MSI2: variants seen among roughly 807,000 people sequenced by gnomAD.
MSI2 encodes RNA-binding protein Musashi homolog 2.
In MSI2, 17 loss-of-function variants were observed where a neutral mutation model predicts 45.6. That is an observed-to-expected ratio of 0.37 (90% CI 0.26 to 0.56). The LOEUF (loss-of-function observed/expected upper bound fraction) is 0.56, where lower values mean the gene tolerates loss of function less well. Among genes scored for constraint, MSI2 ranks in the 20% least tolerant of loss-of-function variants. The pLI, the probability that MSI2 is intolerant of heterozygous loss-of-function variation, is 0.77. For missense variants in MSI2, 293 were observed against 444.2 expected (o/e 0.66, Z 3.06); for synonymous variants, 156 against 158.2 (o/e 0.99, Z 0.11).
intron 5 of MSI2, among the ~76,000 whole-genome samples, chr17:57,275,741 G>C (rs1908784299): frequency 6.6e-6 from 1 of 152,168 alleles, no homozygotes; most frequent in Non-Finnish European, 1.5e-5. Context: ...GGACGGAAAG[G>C]GAAGGAGAGA....
intron 5 of MSI2, among the ~76,000 whole-genome samples, chr17:57,394,001 C>T (rs549473747): frequency 6.6e-6 from 1 of 152,284 alleles, no homozygotes; most frequent in Admixed American, 6.5e-5. Flanking sequence ...TATGTTTAAT[C>T]ATTTGTGGAG....
chr17:57,332,925 T>C (rs988003372), intron 5 of MSI2, among the ~76,000 whole-genome samples: 2 of 151,964 alleles, frequency 1.3e-5, no homozygotes, highest in South Asian at 2.1e-4. Context: ...CTCGGGAGGC[T>C]GAGGCAGGAG....
At chr17:57,342,963 C>A (rs1915295810) in intron 5 of MSI2, among the ~76,000 whole-genome samples, 2 of 152,066 alleles carry the variant, frequency 1.3e-5, no homozygotes, top group Non-Finnish European at 2.9e-5. Context: ...TTTAATAATA[C>A]CAGTTAAAGA....
intron 6 of MSI2, among the ~76,000 whole-genome samples, chr17:57,496,218 G>A (rs2085976462): frequency 6.6e-6 from 1 of 152,148 alleles, no homozygotes; most frequent in Non-Finnish European, 1.5e-5. Context: ...TCACCCGGTG[G>A]ATGCCAGGAT....
chr17:57,259,500 A>G (rs1011522940), intron 4 of MSI2, among the ~76,000 whole-genome samples: 1 of 152,206 alleles, frequency 6.6e-6, no homozygotes, highest in Non-Finnish European at 1.5e-5. Flanking sequence ...GGTGCACTTG[A>G]ATTGATTTTG....
intron 5 of MSI2, among the ~76,000 whole-genome samples, chr17:57,374,621 A>G (rs2143982605): frequency 6.6e-6 from 1 of 152,052 alleles, no homozygotes; most frequent in East Asian, 1.9e-4. Context: ...TACTAATGAT[A>G]CAAAAAATTA....
rs144630702 is a variant in MSI2, at chr17:57,559,651, T to G, written c.454+29927T>G. Among the ~76,000 whole-genome samples the G allele has an allele frequency of 6.9e-3, 1,051 of 152,376 alleles. 5 individuals are homozygous for G. Among genetic ancestry groups the G allele is most frequent in the African/African-American group, 0.023 (937 of 41,592 alleles). ...TGAGGGGACTGTGTGGGACCAGCTGTGCTGACGACAGCCTGCCACCCAAGG... is the reference window on the plus strand; with the variant it reads ...TGAGGGGACTGTGTGGGACCAGCTGGGCTGACGACAGCCTGCCACCCAAGG... On this transcript the variant is annotated intron_variant, in intron 7 of 13. Coordinates refer to ENST00000284073, the MANE Select transcript of MSI2 (RefSeq NM_138962.4).
intron 7 of MSI2, among the ~76,000 whole-genome samples, chr17:57,566,150 C>T (rs945455618): frequency 6.6e-6 from 1 of 152,152 alleles, no homozygotes; most frequent in Non-Finnish European, 1.5e-5. Context: ...GGAAGACCTT[C>T]AGACCCAGAG....
intron 5 of MSI2, among the ~76,000 whole-genome samples, chr17:57,344,287 G>A (rs1353184890): frequency 2.0e-5 from 3 of 152,174 alleles, no homozygotes; most frequent in African/African-American, 7.2e-5. Flanking sequence ...GACCCATGGA[G>A]TCCTAGTATT....
intron 7 of MSI2, among the ~76,000 whole-genome samples, chr17:57,585,435 C>CA (rs1374160915): frequency 1.3e-5 from 2 of 152,182 alleles, no homozygotes; most frequent in Non-Finnish European, 2.9e-5. Context: ...ATTTGTCTCA[C>CA]AGAGGAGGAT....
chr17:57,520,953 C>T (rs2086571233), intron 6 of MSI2, among the ~76,000 whole-genome samples: 1 of 152,184 alleles, frequency 6.6e-6, no homozygotes, highest in Admixed American at 6.5e-5. Context: ...ACGTGAGCCA[C>T]TGCCCCCAGC....
chr17:57,429,915 C>G (rs1194326594), intron 6 of MSI2, among the ~76,000 whole-genome samples: 1 of 152,184 alleles, frequency 6.6e-6, no homozygotes, highest in African/African-American at 2.4e-5. Flanking sequence ...ATTCTTGCCC[C>G]CATCACTTCC....
chr17:57,336,780 G>A (rs980840435), intron 5 of MSI2, among the ~76,000 whole-genome samples: 3 of 152,114 alleles, frequency 2.0e-5, no homozygotes, highest in Non-Finnish European at 2.9e-5. Flanking sequence ...TGTGTTATTT[G>A]CCTACTGCCG....
intron 11 of MSI2, among the ~76,000 whole-genome samples, chr17:57,656,599 A>C (rs1349580473): frequency 6.6e-6 from 1 of 152,182 alleles, no homozygotes; most frequent in African/African-American, 2.4e-5. Flanking sequence ...CAGGGAATGC[A>C]CTTGGCCCTA....
At chr17:57,696,274 T>C in the MSI2 span, among the ~76,000 whole-genome samples, 6 of 152,178 alleles carry the variant, frequency 3.9e-5, no homozygotes, top group African/African-American at 1.4e-4. Flanking sequence ...AAAGTGGCAA[T>C]GTCACGGCAG....
At chr17:57,689,618 C>G (rs759736309), downstream of MSI2, among the ~76,000 whole-genome samples, 1 of 152,152 alleles carries the variant, frequency 6.6e-6, no homozygotes, top group Non-Finnish European at 1.5e-5. Context: ...ATACTATACA[C>G]CTGTTTAACT....
upstream of MSI2, among the ~76,000 whole-genome samples, chr17:57,256,336 C>T (rs1906705541): frequency 6.6e-6 from 1 of 150,886 alleles, no homozygotes; most frequent in South Asian, 2.1e-4. Flanking sequence ...CGTGGGGGGC[C>T]GAGTGTGCGC....
intron 2 of MSI2, among the ~76,000 whole-genome samples, 163 bp from the exon 3 acceptor site, chr17:57,257,303 G>A (rs1906873405): frequency 7.1e-6 from 1 of 140,358 alleles, no homozygotes. Flanking sequence ...CCCTCTATGC[G>A]ACCTCTGTTG....
At chr17:57,617,397 T>C (rs1907822225) in intron 9 of MSI2, among the ~76,000 whole-genome samples, 1 of 151,940 alleles carries the variant, frequency 6.6e-6, no homozygotes, top group South Asian at 2.1e-4. Flanking sequence ...AGTGAGAATG[T>C]AACACAAAGC....
Sources: gnomAD v4.1 joint callset for allele counts (sites outside exome capture counted in the v4.1 genomes callset) on GRCh38, gnomAD v4.1.1 for gene constraint, MANE v1.5 for transcripts, NCBI Gene and HGNC (gene_info 2026-07-23, HGNC 2026-07-21) for gene names.